VGLL1: variants seen among roughly 807,000 people sequenced by gnomAD.
The protein encoded by VGLL1 is vestigial like family member 1, also known as transcription cofactor vestigial-like protein 1.
In VGLL1, 4 loss-of-function variants were observed where a neutral mutation model predicts 12.0. That is an observed-to-expected ratio of 0.33 (90% CI 0.16 to 0.76). The LOEUF is 0.76. Ranked by LOEUF, VGLL1 falls within the 30% of genes least tolerant of loss-of-function variation. The pLI, the probability that VGLL1 is intolerant of heterozygous loss-of-function variation, is 0.60. For synonymous variants in VGLL1, 87 were observed against 81.2 expected (o/e 1.07, Z -0.39); for missense variants, 204 against 208.7 (o/e 0.98, Z 0.14).
In VGLL1 at chrX:136,556,570, C is replaced by G. The variant is rs368763104; in HGVS notation, c.*31C>G. 4 of 1,153,235 alleles carry G rather than the reference C, an allele frequency of 3.5e-6. No individual in the cohort carries two copies. The highest frequency in any genetic ancestry group is 4.7e-6 in the Non-Finnish European group (4 of 844,042). ...TTGGAGGAGAAAGACAACACTTGGT[C>G]TAAGACACGGCAGCAAGACATCCCT... On this transcript the variant is annotated 3_prime_UTR_variant, in exon 5 of 5. Transcript: ENST00000370634.
intron 4 of VGLL1, among the ~76,000 whole-genome samples, chrX:136,553,051 G>A (rs1486569457): frequency 9.0e-6 from 1 of 111,672 alleles, no homozygotes; most frequent in African/African-American, 3.3e-5. Context: ...GCCCAAGTCT[G>A]CCTTTCTAAC....
At chrX:136,554,110 G>A (rs1160015973) in intron 4 of VGLL1, among the ~76,000 whole-genome samples, 5 of 111,793 alleles carry the variant, frequency 4.5e-5, no homozygotes, top group African/African-American at 6.5e-5. Flanking sequence ...ATAGTTTCGT[G>A]GGGAAGACAT....
intron 1 of VGLL1, among the ~76,000 whole-genome samples, chrX:136,532,649 CTTTCTTTCTTTCT>C (rs1386563524): frequency 2.5e-3 from 128 of 51,640 alleles, no homozygotes; most frequent in Admixed American, 5.8e-3. Flanking sequence ...TTCTTTCTTT[CTTTCTTTCTTTCT>C]TTTTCTTTCT....
intron 2 of VGLL1, among the ~76,000 whole-genome samples, chrX:136,543,888 C>A (rs932160430): frequency 2.7e-5 from 3 of 112,119 alleles, no homozygotes; most frequent in Non-Finnish European, 5.6e-5. Flanking sequence ...ACAGCTGTGA[C>A]TCGTTTTTTG....
At chrX:136,544,155 A>G (rs910345870) in intron 2 of VGLL1, among the ~76,000 whole-genome samples, 1 of 111,933 alleles carries the variant, frequency 8.9e-6, no homozygotes, top group Non-Finnish European at 1.9e-5. Flanking sequence ...TAAATGTTCT[A>G]CTACAACATC....
intron 2 of VGLL1, among the ~76,000 whole-genome samples, chrX:136,542,625 G>A (rs189408607): frequency 8.9e-6 from 1 of 112,339 alleles, no homozygotes; most frequent in African/African-American, 3.2e-5. Flanking sequence ...TGTTGGTTGT[G>A]CTTCACAAAA....
At chrX:136,555,124 G>C (rs762405538) in intron 4 of VGLL1, among the ~76,000 whole-genome samples, 6 of 112,325 alleles carry the variant, frequency 5.3e-5, no homozygotes, top group Non-Finnish European at 1.1e-4. Flanking sequence ...AACCAGGGCA[G>C]TGTGGTACAT....
chrX:136,556,002 A>G (rs1473715323), intron 4 of VGLL1, among the ~76,000 whole-genome samples: 1 of 110,985 alleles, frequency 9.0e-6, no homozygotes, highest in South Asian at 3.9e-4. Flanking sequence ...AAGGATAGAG[A>G]ATAAGGAAAA....
At chrX:136,534,935 T>A (rs2075835344) in intron 1 of VGLL1, among the ~76,000 whole-genome samples, 1 of 112,057 alleles carries the variant, frequency 8.9e-6, no homozygotes, top group South Asian at 3.8e-4. Flanking sequence ...AGAAAGATAG[T>A]CTATTAAACT....
intron 4 of VGLL1, among the ~76,000 whole-genome samples, chrX:136,553,727 A>T (rs911926618): frequency 3.6e-4 from 40 of 112,043 alleles, no homozygotes; most frequent in African/African-American, 1.2e-3. Flanking sequence ...CTCCAGAAAA[A>T]TATTTGTCAA....
intron 3 of VGLL1, 177 bp from the exon 4 acceptor site, chrX:136,550,591 G>T (rs756193309): frequency 2.5e-6 from 1 of 405,011 alleles, no homozygotes. Flanking sequence ...GCCTTGGAAG[G>T]TGGTGGACCT....
intron 4 of VGLL1, among the ~76,000 whole-genome samples, chrX:136,555,173 G>T (rs2075897783): frequency 8.9e-6 from 1 of 112,191 alleles, no homozygotes; most frequent in Non-Finnish European, 1.9e-5. Flanking sequence ...AAAACAGAAG[G>T]AGTGATCAAC....
chrX:136,548,119 G>T (rs772867416), intron 2 of VGLL1, among the ~76,000 whole-genome samples: 94 of 111,558 alleles, frequency 8.4e-4, no homozygotes, highest in African/African-American at 3.1e-3. Flanking sequence ...TCCTGCCTTA[G>T]CATCCCGAGT....
chrX:136,548,972 G>A lies in VGLL1; in HGVS notation c.598G>A (p.Gly200Arg), dbSNP rs374712904. The change falls in exon 3 of 5, where the codon GGG (glycine) becomes AGG (arginine). Residue 200 changes from glycine to arginine, a missense_variant. Physicochemically the swap from Gly to Arg is moderately radical, Grantham distance 125 (BLOSUM62 -2). Coordinates refer to ENST00000370634, the MANE Select transcript of VGLL1 (RefSeq NM_016267.4). ...GNPGQIAGST[G>R]LLFNLPPGSV... ...CCCTGGCCAGATAGCTGGAAGCACA[G>A]GGTTGCTCTTCAACCTGCCTCCCGG... 5.0e-6 allele frequency: 6 copies of A among 1,211,304 alleles called. No homozygotes were observed. Among genetic ancestry groups the A allele is most frequent in the Non-Finnish European group, 6.7e-6 (6 of 895,058 alleles).
chrX:136,535,989 T>G lies in VGLL1; in HGVS notation c.-25-7T>G. On this transcript the variant is annotated splice_region_variant and splice_polypyrimidine_tract_variant and intron_variant, in intron 1 of 4. Transcript: ENST00000370634. ...AGTGCCAGTGACATTTTGCCTTTGGTCCACAGCTGTCACCTGTGTCATTCA... is the reference window on the plus strand; with the variant it reads ...AGTGCCAGTGACATTTTGCCTTTGGGCCACAGCTGTCACCTGTGTCATTCA... The G allele has an allele frequency of 1.7e-6, 2 of 1,186,485 alleles. No homozygotes were observed. The highest frequency in any genetic ancestry group is 2.3e-6 in the Non-Finnish European group (2 of 875,069).
At chrX:136,540,362 A>G (rs773525207) in intron 2 of VGLL1, among the ~76,000 whole-genome samples, 6 of 110,961 alleles carry the variant, frequency 5.4e-5, no homozygotes, top group Non-Finnish European at 1.1e-4. Flanking sequence ...TTCATAAACT[A>G]TGCCAAGGAC....
At chrX:136,552,449 A>G (rs2075889021) in intron 4 of VGLL1, among the ~76,000 whole-genome samples, 1 of 112,265 alleles carries the variant, frequency 8.9e-6, no homozygotes, top group African/African-American at 3.2e-5. Context: ...AATAGTTTCT[A>G]CATTTGTTTA....
At chrX:136,545,873 C>T (rs1018537633) in intron 2 of VGLL1, among the ~76,000 whole-genome samples, 15 of 110,843 alleles carry the variant, frequency 1.4e-4, no homozygotes, top group South Asian at 3.9e-4. Context: ...CCAGTTTCAC[C>T]GAAAAAGGGC....
At chrX:136,541,368 C>T (rs2075855669) in intron 2 of VGLL1, among the ~76,000 whole-genome samples, 1 of 111,979 alleles carries the variant, frequency 8.9e-6, no homozygotes. Flanking sequence ...GATGTTGTCT[C>T]CCTCACAGAG....
Sources: gnomAD v4.1 joint callset for allele counts (sites outside exome capture counted in the v4.1 genomes callset) on GRCh38, gnomAD v4.1.1 for gene constraint, MANE v1.5 for transcripts, NCBI Gene and HGNC (gene_info 2026-07-23, HGNC 2026-07-21) for gene names.